Variants in EXT2 observed in about 807,000 individuals in gnomAD.
EXT2 encodes the protein exostosin-2.
EXT2 carries 53 observed loss-of-function variants against 81.6 expected under a neutral mutation model. The observed-to-expected ratio is 0.65, with a 90% CI of 0.52 to 0.82. The LOEUF (loss-of-function observed/expected upper bound fraction) is 0.82. Among genes scored for constraint, EXT2 ranks in the 40% least tolerant of loss-of-function variants. The pLI is 0.00. For synonymous variants in EXT2, 320 were observed against 340.0 expected, an observed-to-expected ratio of 0.94 and a Z score of 0.65; for missense variants, 774 against 910.2, an observed-to-expected ratio of 0.85 and a Z score of 1.93.
intron 6 of EXT2, 26 bp downstream of exon 6, chr11:44,126,981 T>C (rs757340543): frequency 1.7e-5 from 27 of 1,613,586 alleles, no homozygotes; most frequent in Non-Finnish European, 2.2e-5. Flanking sequence ...TAGTAAACTC[T>C]ACATTAGTGG....
intron 9 of EXT2, among the ~76,000 whole-genome samples, chr11:44,205,065 C>A (rs1955566386): frequency 6.6e-6 from 1 of 152,120 alleles, no homozygotes; most frequent in South Asian, 2.1e-4. Flanking sequence ...TCTTTTAATG[C>A]TAAACAGACT....
chr11:44,143,165 A>G (rs910094135), intron 7 of EXT2, among the ~76,000 whole-genome samples: 16 of 152,136 alleles, frequency 1.1e-4, no homozygotes, highest in African/African-American at 3.6e-4. Context: ...TTGACCAGGC[A>G]GGTCTTGAAC....
intron 4 of EXT2, among the ~76,000 whole-genome samples, chr11:44,119,140 A>G (rs1415137419): frequency 2.6e-4 from 8 of 30,700 alleles, no homozygotes; most frequent in African/African-American, 8.0e-4. Flanking sequence ...ATATATATAT[A>G]TATATATATA....
chr11:44,230,353 C>T (rs946887119), intron 10 of EXT2, among the ~76,000 whole-genome samples: 2 of 152,116 alleles, frequency 1.3e-5, no homozygotes, highest in African/African-American at 2.4e-5. Flanking sequence ...ATTCTCAGTG[C>T]AGTAGGAAGC....
chr11:44,119,153 TATATATATATATATATACAC>T (rs1954274085), intron 4 of EXT2, among the ~76,000 whole-genome samples: 1 of 94,642 alleles, frequency 1.1e-5, no homozygotes, highest in Non-Finnish European at 2.0e-5. Context: ...TATATATATA[TATATATATATATATATACAC>T]ATACACACAC....
intron 4 of EXT2, among the ~76,000 whole-genome samples, chr11:44,122,128 A>G (rs2135007758): frequency 6.6e-6 from 1 of 152,264 alleles, no homozygotes; most frequent in Admixed American, 6.5e-5. Flanking sequence ...TTAAAGAGAA[A>G]GGCTCCAGAA....
At chr11:44,222,481 G>A (rs1955792106) in intron 10 of EXT2, among the ~76,000 whole-genome samples, 1 of 152,128 alleles carries the variant, frequency 6.6e-6, no homozygotes, top group South Asian at 2.1e-4. Context: ...GAATTGTAAG[G>A]GGTTGTTCAA....
At chr11:44,203,343 C>T (rs986920477) in intron 9 of EXT2, among the ~76,000 whole-genome samples, 2 of 152,164 alleles carry the variant, frequency 1.3e-5, no homozygotes, top group Admixed American at 1.3e-4. Context: ...AGAGCCCCTT[C>T]CCCAGCTAGA....
chr11:44,130,253 C>A, intron 7 of EXT2, 115 bp downstream of exon 7: 1 of 774,556 alleles, frequency 1.3e-6, no homozygotes, highest in Non-Finnish European at 2.3e-6. Context: ...TCCACTAGAT[C>A]AACTAGCCAA....
At chr11:44,096,257 C>G in intron 1 of EXT2, 1 of 1,535,988 alleles carries the variant, frequency 6.5e-7, no homozygotes, top group South Asian at 1.2e-5. Context: ...AGGGGGATGT[C>G]CTGCGCCTCA....
At chr11:44,210,885 T>C (rs4755234) in intron 10 of EXT2, among the ~76,000 whole-genome samples, 96,671 of 152,006 alleles carry the variant, frequency 0.64, 31,066 homozygotes, top group Middle Eastern at 0.75. Context: ...TGTAAATTCT[T>C]CCCAAATTGT....
chr11:44,183,263 T>G (rs1003018958), intron 8 of EXT2, among the ~76,000 whole-genome samples: 1 of 152,232 alleles, frequency 6.6e-6, no homozygotes, highest in Non-Finnish European at 1.5e-5. Context: ...GGGGTACTAC[T>G]TTGAGACTAT....
intron 10 of EXT2, among the ~76,000 whole-genome samples, chr11:44,207,599 C>T (rs536515395): frequency 5.9e-5 from 9 of 152,218 alleles, no homozygotes; most frequent in Non-Finnish European, 1.0e-4. Flanking sequence ...TGACAACAGG[C>T]GGAGGCCTGC....
chr11:44,212,323 A>G (rs1955660198), intron 10 of EXT2, among the ~76,000 whole-genome samples: 1 of 149,214 alleles, frequency 6.7e-6, no homozygotes, highest in South Asian at 2.1e-4. Context: ...AAATAAATAA[A>G]TAAATAAATA....
At chr11:44,127,066 G>GT in intron 6 of EXT2, 111 bp downstream of exon 6, 1 of 1,401,154 alleles carries the variant, frequency 7.1e-7, no homozygotes, top group Non-Finnish European at 1.0e-6. Context: ...ACTACAGATA[G>GT]TTTTTCTCTA....
Position 44,246,831 on chromosome 11 carries a change from C to T in EXT2, c.*2544C>T, listed in dbSNP as rs566591827. On this transcript the variant is annotated 3_prime_UTR_variant, in exon 14 of 14. Transcript: ENST00000533608. The stretch of plus-strand genomic sequence containing the variant: ...GTCAGGATCATCTGTCCTCGGGATG[C>T]CATAGAGCCTGGTTTCAGAAGCAGA... 3.9e-5 allele frequency among the ~76,000 whole-genome samples: 6 copies of T among 152,348 alleles called. No homozygotes were observed. The highest frequency in any genetic ancestry group is 1.2e-4 in the African/African-American group (5 of 41,570).
intron 8 of EXT2, chr11:44,172,054 C>G (rs1955082916): frequency 2.4e-6 from 1 of 423,630 alleles, no homozygotes; most frequent in East Asian, 5.1e-5. Context: ...AATTGTAATG[C>G]TTAGAGCTTT....
intron 5 of EXT2, among the ~76,000 whole-genome samples, chr11:44,125,542 T>G (rs1358811580): frequency 6.6e-6 from 1 of 152,164 alleles, no homozygotes; most frequent in Non-Finnish European, 1.5e-5. Context: ...AAGCGGTCTC[T>G]TTGGGGATGT....
intron 6 of EXT2, among the ~76,000 whole-genome samples, chr11:44,128,076 G>A (rs1954435635): frequency 6.6e-6 from 1 of 151,972 alleles, no homozygotes; most frequent in Admixed American, 6.5e-5. Context: ...CAACTTTTTT[G>A]GTATTTCTGT....
Sources: gnomAD v4.1 joint callset for allele counts (sites outside exome capture counted in the v4.1 genomes callset) on GRCh38, gnomAD v4.1.1 for gene constraint, MANE v1.5 for transcripts, NCBI Gene and HGNC (gene_info 2026-07-23, HGNC 2026-07-21) for gene names.